NOL4: variants seen among roughly 807,000 people sequenced by gnomAD.
The protein encoded by NOL4 is cancer/testis antigen 125.
NOL4 carries 17 observed loss-of-function variants against 75.9 expected under a neutral mutation model. The ratio of observed to expected loss-of-function variants is 0.22; its 90% confidence interval spans 0.15 to 0.34. The LOEUF (loss-of-function observed/expected upper bound fraction) is 0.34. Among genes scored for constraint, NOL4 ranks in the 10% least tolerant of loss-of-function variants. The pLI is 1.00. For synonymous variants in NOL4, 292 were observed against 289.9 expected, an observed-to-expected ratio of 1.01 and a Z score of -0.07; for missense variants, 614 against 793.5, an observed-to-expected ratio of 0.77 and a Z score of 2.72.
At chr18:34,017,357 T>C (rs997785428) in intron 6 of NOL4, among the ~76,000 whole-genome samples, 2 of 152,140 alleles carry the variant, frequency 1.3e-5, no homozygotes, top group African/African-American at 4.8e-5. Flanking sequence ...CCAAGTATTT[T>C]TAATTGCATA....
At chr18:33,855,468 C>G (rs1221509850) in intron 10 of NOL4, among the ~76,000 whole-genome samples, 2 of 152,058 alleles carry the variant, frequency 1.3e-5, no homozygotes, top group Non-Finnish European at 2.9e-5. Context: ...AAGCACGGCT[C>G]TGGAAAAGCT....
chr18:34,009,534 T>C (rs1274184426), intron 6 of NOL4, among the ~76,000 whole-genome samples: 3 of 151,966 alleles, frequency 2.0e-5, no homozygotes, highest in African/African-American at 7.2e-5. Context: ...TTGTAAAACA[T>C]GCACACCATC....
intron 5 of NOL4, among the ~76,000 whole-genome samples, chr18:34,082,899 A>G: frequency 6.6e-6 from 1 of 151,608 alleles, no homozygotes; most frequent in African/African-American, 2.4e-5. Flanking sequence ...CTGACTGATG[A>G]TATGTGACTG....
intron 8 of NOL4, among the ~76,000 whole-genome samples, chr18:33,952,238 C>T (rs975283888): frequency 2.0e-5 from 3 of 152,076 alleles, no homozygotes; most frequent in African/African-American, 4.8e-5. Context: ...TGATAAGTAG[C>T]TCTGAAAAAT....
chr18:33,899,497 C>T lies in NOL4; in HGVS notation c.1543-16073G>A, dbSNP rs1032928625. The stretch of plus-strand genomic sequence containing the variant: ...GGAAGCCTGCAGCCAGGAGAAGTTG[C>T]TCCTGGCCAGCTGGCCCCAGCTAAG... On this transcript the variant is annotated intron_variant, in intron 9 of 10. Transcript: ENST00000261592. Among the ~76,000 whole-genome samples, 25 of 152,130 alleles carry T rather than the reference C, an allele frequency of 1.6e-4. 1 individual carries two copies. The highest frequency in any genetic ancestry group is 6.0e-4 in the African/African-American group (25 of 41,442).
intron 5 of NOL4, among the ~76,000 whole-genome samples, chr18:34,055,356 T>C (rs1047657420): frequency 6.6e-6 from 1 of 152,156 alleles, no homozygotes; most frequent in Admixed American, 6.5e-5. Context: ...CCTCTCCATT[T>C]TTGAATTATT....
At chr18:34,014,889 T>C (rs146252931) in intron 6 of NOL4, among the ~76,000 whole-genome samples, 112 of 152,172 alleles carry the variant, frequency 7.4e-4, no homozygotes, top group African/African-American at 2.3e-3. Flanking sequence ...CTATTCACTG[T>C]TCAATTTTTC....
At chr18:33,871,406 A>G (rs2144497987) in intron 10 of NOL4, among the ~76,000 whole-genome samples, 1 of 152,120 alleles carries the variant, frequency 6.6e-6, no homozygotes, top group Middle Eastern at 3.4e-3. Context: ...ATAAAGAGTG[A>G]GATTTCTGAC....
At position 34,223,301 on chromosome 18, in the gene NOL4, C is replaced by T. The variant is rs1398373795; in HGVS notation, c.-48G>A. 6 of 1,597,822 alleles carry T rather than the reference C, an allele frequency of 3.8e-6. No individual in the cohort carries two copies. In the South Asian group the frequency reaches 4.5e-5, roughly 12 times the overall value. On this transcript the variant is annotated 5_prime_UTR_variant, in exon 1 of 11. The change creates a new upstream start codon in the 5' untranslated region. Coordinates refer to ENST00000261592, the MANE Select transcript of NOL4 (RefSeq NM_003787.5). Reference sequence around the variant, plus strand: ...CCGGATGCTCCCAGCGCACTTCGCACCTGTTCACCCTAGGCTCATGAAAAA... The same window carrying T: ...CCGGATGCTCCCAGCGCACTTCGCATCTGTTCACCCTAGGCTCATGAAAAA...
chr18:34,105,753 T>G (rs1255446041), intron 2 of NOL4, among the ~76,000 whole-genome samples: 1 of 152,014 alleles, frequency 6.6e-6, no homozygotes, highest in Non-Finnish European at 1.5e-5. Flanking sequence ...TTCATTCATT[T>G]TATGTCAATT....
chr18:33,905,741 C>T (rs1050381549), intron 9 of NOL4, among the ~76,000 whole-genome samples: 4 of 152,098 alleles, frequency 2.6e-5, no homozygotes, highest in African/African-American at 9.7e-5. Context: ...CCAGAAGTTC[C>T]ATGCTTCTTT....
chr18:34,189,060 G>C (rs927334171), intron 1 of NOL4, among the ~76,000 whole-genome samples: 2 of 152,112 alleles, frequency 1.3e-5, no homozygotes, highest in Non-Finnish European at 2.9e-5. Flanking sequence ...GAATACCTGA[G>C]ACCAGGTAAT....
intron 1 of NOL4, among the ~76,000 whole-genome samples, chr18:34,187,658 T>TTACAGGC (rs2034592903): frequency 6.6e-6 from 1 of 152,290 alleles, no homozygotes; most frequent in South Asian, 2.1e-4. Context: ...AAGTGCTGGA[T>TTACAGGC]TACAGGCGTG....
chr18:34,078,047 A>G (rs1299930297), intron 5 of NOL4, among the ~76,000 whole-genome samples: 1 of 152,188 alleles, frequency 6.6e-6, no homozygotes, highest in Non-Finnish European at 1.5e-5. Flanking sequence ...TAAAATTTCC[A>G]TGAACTGAAA....
At chr18:34,128,799 A>G (rs937996142) in intron 2 of NOL4, 11 of 755,416 alleles carry the variant, frequency 1.5e-5, no homozygotes, top group Non-Finnish European at 1.6e-5. Context: ...AATAGTTATG[A>G]AAAAGAAGCT....
intron 9 of NOL4, among the ~76,000 whole-genome samples, chr18:33,939,563 T>A (rs1346410063): frequency 6.6e-6 from 1 of 152,026 alleles, no homozygotes; most frequent in Non-Finnish European, 1.5e-5. Flanking sequence ...ACTCATGATT[T>A]GGATATGTTT....
intron 6 of NOL4, among the ~76,000 whole-genome samples, chr18:34,008,661 C>G (rs745824592): frequency 1.3e-5 from 2 of 151,856 alleles, no homozygotes; most frequent in Non-Finnish European, 2.9e-5. Context: ...TACCAGCCCG[C>G]CATGATGCAA....
rs571013909 is a variant in NOL4, at chr18:34,044,306, A to T, written c.773-24705T>A. 1.1e-4 allele frequency among the ~76,000 whole-genome samples: 16 copies of T among 152,216 alleles called. No individual in the cohort carries two copies. In the South Asian group the frequency reaches 3.3e-3, roughly 32 times the overall value. The stretch of plus-strand genomic sequence containing the variant: ...TATGAAAAGAAAATAAAATACTTTT[A>T]TCTTTAACTAATTGGATAATTACTA... On this transcript the variant is annotated intron_variant, in intron 5 of 10. Coordinates refer to ENST00000261592, the MANE Select transcript of NOL4 (RefSeq NM_003787.5).
intron 2 of NOL4, among the ~76,000 whole-genome samples, chr18:34,122,751 C>A (rs926803553): frequency 1.3e-5 from 2 of 152,096 alleles, no homozygotes; most frequent in Non-Finnish European, 2.9e-5. Context: ...ATACTCATTG[C>A]AAATTCATTA....
Sources: gnomAD v4.1 joint callset for allele counts (sites outside exome capture counted in the v4.1 genomes callset) on GRCh38, gnomAD v4.1.1 for gene constraint, MANE v1.5 for transcripts, NCBI Gene and HGNC (gene_info 2026-07-23, HGNC 2026-07-21) for gene names.